CAMTA1: variants seen among roughly 807,000 people sequenced by gnomAD.
The protein encoded by CAMTA1 is calmodulin-binding transcription activator 1.
In CAMTA1, 27 loss-of-function variants were observed where a neutral mutation model predicts 170.9. The ratio of observed to expected loss-of-function variants is 0.16; its 90% confidence interval spans 0.12 to 0.22. The LOEUF (loss-of-function observed/expected upper bound fraction) is 0.22, where lower values mean the gene tolerates loss of function less well. Ranked by LOEUF, CAMTA1 falls within the 10% of genes least tolerant of loss-of-function variation. The pLI, the probability that CAMTA1 is intolerant of heterozygous loss-of-function variation, is 1.00. For synonymous variants in CAMTA1, 833 were observed against 891.5 expected (o/e 0.93, Z 1.17); for missense variants, 1,619 against 2,217.2 (o/e 0.73, Z 5.42).
At chr1:6,810,669 G>T (rs1570297159) in intron 1 of CAMTA1, among the ~76,000 whole-genome samples, 1 of 152,138 alleles carries the variant, frequency 6.6e-6, no homozygotes, top group South Asian at 2.1e-4. Flanking sequence ...GCCGGGCGTG[G>T]TGGCGGACAC....
rs1484634576 is a variant in CAMTA1, at chr1:6,934,801, T to C, written c.234+109591T>C. Among the ~76,000 whole-genome samples the C allele has an allele frequency of 6.6e-6, 1 of 152,170 alleles. No individual in the cohort carries two copies. Among genetic ancestry groups the C allele is most frequent in the Non-Finnish European group, 1.5e-5 (1 of 68,028 alleles). ...GGAAGGCAGGGCTCTGAGGATGCTA[T>C]GATGTGCCATTTCTTTGGGCTTTTC... On this transcript the variant is annotated intron_variant, in intron 3 of 22. Transcript: ENST00000303635. The surrounding 1 kb of genome is among the most constrained non-coding windows in gnomAD (Gnocchi z 4.5).
intron 3 of CAMTA1, among the ~76,000 whole-genome samples, chr1:7,038,221 A>G (rs1254384617): frequency 6.6e-6 from 1 of 152,220 alleles, no homozygotes; most frequent in Non-Finnish European, 1.5e-5. Context: ...TCATATTTAG[A>G]AATTTTTCCT....
At chr1:7,423,770 C>T (rs1007407174) in intron 5 of CAMTA1, among the ~76,000 whole-genome samples, 8 of 151,978 alleles carry the variant, frequency 5.3e-5, no homozygotes, top group Admixed American at 1.3e-4. Context: ...GTCGTATGGC[C>T]GAGTGTTTGT....
intron 3 of CAMTA1, among the ~76,000 whole-genome samples, chr1:7,081,057 C>T (rs1488096930): frequency 6.6e-6 from 1 of 152,190 alleles, no homozygotes; most frequent in Non-Finnish European, 1.5e-5. Flanking sequence ...TGCCAAAGGG[C>T]CTGGGCTGGA....
At chr1:7,354,014 T>C (rs1156766964) in intron 5 of CAMTA1, among the ~76,000 whole-genome samples, 1 of 152,114 alleles carries the variant, frequency 6.6e-6, no homozygotes, top group Non-Finnish European at 1.5e-5. Context: ...GCAGTATTGG[T>C]TTTCTGTTCA....
chr1:7,571,156 T>C (rs7532902), intron 6 of CAMTA1, among the ~76,000 whole-genome samples: 9,184 of 152,250 alleles, frequency 0.06, 864 homozygotes, highest in African/African-American at 0.2. Context: ...CCCACAGTTA[T>C]GGAAGCAGCG....
chr1:7,253,620 A>T (rs898752872), intron 5 of CAMTA1, among the ~76,000 whole-genome samples: 3 of 152,182 alleles, frequency 2.0e-5, no homozygotes, highest in African/African-American at 7.2e-5. Flanking sequence ...ACATCCATGC[A>T]AAGTACATGG....
intron 6 of CAMTA1, among the ~76,000 whole-genome samples, chr1:7,586,276 C>T (rs567697409): frequency 1.2e-4 from 19 of 152,272 alleles, no homozygotes; most frequent in Non-Finnish European, 2.2e-4. Flanking sequence ...TGGCTGTGGA[C>T]GCACTCTGAA....
chr1:6,883,564 TGAGGATA>T (rs1170726666), intron 3 of CAMTA1, among the ~76,000 whole-genome samples: 1 of 151,910 alleles, frequency 6.6e-6, no homozygotes, highest in Non-Finnish European at 1.5e-5. Flanking sequence ...ATGTGAGGAT[TGAGGATA>T]GACCATGTGG....
chr1:7,655,012 A>G (rs959112075), intron 7 of CAMTA1, among the ~76,000 whole-genome samples: 1 of 149,654 alleles, frequency 6.7e-6, no homozygotes, highest in African/African-American at 2.5e-5. Flanking sequence ...ACCTATACAC[A>G]CACCCCTATA....
At chr1:7,032,850 T>C (rs1188074296) in intron 3 of CAMTA1, among the ~76,000 whole-genome samples, 1 of 152,204 alleles carries the variant, frequency 6.6e-6, no homozygotes, top group Non-Finnish European at 1.5e-5. Flanking sequence ...TTTTGTTTTT[T>C]CTCTTAGCAC....
chr1:7,117,217 C>T (rs1022649765), intron 4 of CAMTA1, among the ~76,000 whole-genome samples: 11 of 152,032 alleles, frequency 7.2e-5, no homozygotes, highest in Admixed American at 2.0e-4. Context: ...GTGATCCGCC[C>T]GCCTCAGCCT....
intron 4 of CAMTA1, among the ~76,000 whole-genome samples, chr1:7,231,601 G>C (rs1407083612): frequency 6.6e-6 from 1 of 152,096 alleles, no homozygotes; most frequent in Non-Finnish European, 1.5e-5. Context: ...TTGAACTTCT[G>C]ACCTCAGGTA....
At chr1:7,423,300 G>A (rs190802470) in intron 5 of CAMTA1, among the ~76,000 whole-genome samples, 156 of 152,184 alleles carry the variant, frequency 1.0e-3, no homozygotes, top group African/African-American at 3.3e-3. Flanking sequence ...GCGAAACCGC[G>A]TCTCTACTAA....
At chr1:7,377,186 G>T (rs1290397678) in intron 5 of CAMTA1, among the ~76,000 whole-genome samples, 1 of 152,186 alleles carries the variant, frequency 6.6e-6, no homozygotes. Flanking sequence ...ACCTCCCAGA[G>T]TTCATTCATT....
At chr1:7,604,444 T>G (rs994418250) in intron 6 of CAMTA1, among the ~76,000 whole-genome samples, 4 of 152,230 alleles carry the variant, frequency 2.6e-5, no homozygotes, top group Admixed American at 1.3e-4. Context: ...CTTCCATCAC[T>G]GATACCCTTT....
At chr1:7,380,748 C>G (rs1325334269) in intron 5 of CAMTA1, among the ~76,000 whole-genome samples, 5 of 152,314 alleles carry the variant, frequency 3.3e-5, no homozygotes, top group South Asian at 4.1e-4. Flanking sequence ...AAACAGTCCT[C>G]CCTTCTGATG....
At chr1:7,520,446 A>C (rs2094350334) in intron 6 of CAMTA1, among the ~76,000 whole-genome samples, 1 of 150,492 alleles carries the variant, frequency 6.6e-6, no homozygotes. Context: ...AGGTGGGGCC[A>C]GCAGGATACA....
intron 4 of CAMTA1, among the ~76,000 whole-genome samples, chr1:7,096,385 A>G (rs116165563): frequency 0.023 from 3,473 of 150,536 alleles, 86 homozygotes; most frequent in African/African-American, 0.061. Context: ...GGCTCCCAGG[A>G]CTCCCCGACA....
Sources: gnomAD v4.1 joint callset for allele counts (sites outside exome capture counted in the v4.1 genomes callset) on GRCh38, gnomAD v4.1.1 for gene constraint, Gnocchi (gnomAD v3.1) non-coding constraint, MANE v1.5 for transcripts, NCBI Gene and HGNC (gene_info 2026-07-23, HGNC 2026-07-21) for gene names.